STAG1: variants seen among roughly 807,000 people sequenced by gnomAD.
The protein encoded by STAG1 is cohesin subunit SA-1.
Under a neutral mutation model 170.9 loss-of-function variants are expected in STAG1, and 26 were observed. The observed-to-expected ratio is 0.15, with a 90% CI of 0.11 to 0.21. The LOEUF (loss-of-function observed/expected upper bound fraction) is 0.21. Among genes scored for constraint, STAG1 ranks in the 10% least tolerant of loss-of-function variants. The probability of loss-of-function intolerance (pLI) is 1.00; values close to 1 mark genes in which losing one functional copy is unlikely to be tolerated. For missense variants in STAG1, 964 were observed against 1,509.5 expected (o/e 0.64, Z 5.99); for synonymous variants, 514 against 497.7 (o/e 1.03, Z -0.44).
At chr3:136,526,424 C>T (rs920081626) in intron 6 of STAG1, among the ~76,000 whole-genome samples, 2 of 151,980 alleles carry the variant, frequency 1.3e-5, no homozygotes, top group African/African-American at 4.8e-5. Context: ...CAACCCCTGC[C>T]TTTTTTTGTT....
At chr3:136,399,948 G>A (rs1224688338) in intron 21 of STAG1, among the ~76,000 whole-genome samples, 1 of 151,436 alleles carries the variant, frequency 6.6e-6, no homozygotes, top group African/African-American at 2.4e-5. Flanking sequence ...TTTGAGACAG[G>A]GTCTCACTTT....
At chr3:136,631,123 T>C (rs1008465234) in intron 1 of STAG1, 142 bp from the exon 2 acceptor site, 6 of 458,636 alleles carry the variant, frequency 1.3e-5, no homozygotes, top group Non-Finnish European at 2.3e-5. Context: ...CCACAGATGT[T>C]TATAGCAGTT....
In STAG1 at chr3:136,377,640, T is replaced by G; in HGVS notation, c.2370+20A>C. 3 of 1,587,106 alleles carry G rather than the reference T, an allele frequency of 1.9e-6. No homozygotes were observed. Among genetic ancestry groups the G allele is most frequent in the Non-Finnish European group, 2.6e-6 (3 of 1,156,588 alleles). ...TATTTGAGTTGATTTTATTGAGAGC[T>G]CTTACTGATAATTTCTTACCTGTTC... On this transcript the variant is annotated intron_variant, in intron 23 of 33. Transcript: ENST00000383202.
At chr3:136,655,209 C>A (rs375908941) in intron 1 of STAG1, among the ~76,000 whole-genome samples, 2 of 152,144 alleles carry the variant, frequency 1.3e-5, no homozygotes, top group South Asian at 4.1e-4. Context: ...ACCCACAGAA[C>A]AGGAGAAAAC....
At chr3:136,738,107 A>T (rs1410935968) in intron 1 of STAG1, among the ~76,000 whole-genome samples, 1 of 152,140 alleles carries the variant, frequency 6.6e-6, no homozygotes, top group African/African-American at 2.4e-5. Flanking sequence ...ATACTAAAAA[A>T]TGCTCAATTC....
chr3:136,355,733 T>C (rs1190837114), intron 28 of STAG1, among the ~76,000 whole-genome samples: 1 of 152,012 alleles, frequency 6.6e-6, no homozygotes, highest in African/African-American at 2.4e-5. Context: ...CAATGCATGA[T>C]CTCTGACCAC....
At chr3:136,463,655 A>C (rs577422674) in intron 13 of STAG1, among the ~76,000 whole-genome samples, 28 of 149,960 alleles carry the variant, frequency 1.9e-4, no homozygotes, top group Admixed American at 6.7e-4. Flanking sequence ...AGGTGGGAGG[A>C]TCACTTCAGG....
chr3:136,384,434 A>G (rs1938148912), intron 22 of STAG1, among the ~76,000 whole-genome samples: 1 of 150,026 alleles, frequency 6.7e-6, no homozygotes, highest in Admixed American at 6.7e-5. Context: ...TCGGCAACAG[A>G]GCAAGACTCC....
rs549818705 is a variant in STAG1, at chr3:136,357,913, T to C, written c.2937-65A>G. ...TGTAATTCTCTCAATTAGCTAACAT[T>C]ACACAAATATTTGTGAAGGTAGTAA... On this transcript the variant is annotated intron_variant, in intron 27 of 33. Coordinates refer to ENST00000383202, the MANE Select transcript of STAG1 (RefSeq NM_005862.3). 8.9e-6 allele frequency: 12 copies of C among 1,347,638 alleles called. No homozygotes were observed. The African/African-American group carries it at 1.8e-4, about 20-fold the overall frequency. The allele number at this position is 1,347,638 out of a possible 1,614,324, so 83.5% of individuals were successfully genotyped here.
intron 1 of STAG1, among the ~76,000 whole-genome samples, chr3:136,657,291 C>T (rs978588356): frequency 2.0e-5 from 3 of 150,022 alleles, no homozygotes; most frequent in Admixed American, 6.7e-5. Flanking sequence ...CCTCACCTCC[C>T]GGGTTCAAGC....
In STAG1 at chr3:136,398,841, G is replaced by GA. The variant is rs767490463; in HGVS notation, c.2197-13dup. 36 of 1,525,186 alleles carry GA rather than the reference G, an allele frequency of 2.4e-5. No individual in the cohort carries two copies. Among genetic ancestry groups the GA allele is most frequent in the East Asian group, 2.2e-4 (9 of 41,014 alleles). 94.5% of individuals were successfully genotyped at this position (1,525,186 alleles called of 1,614,324 possible). ...GCTTGCACGACTATCTGTATCAAAT[G>GA]AAAAAAAATTTTTTTAATGAAAAAT... On this transcript the variant is annotated splice_polypyrimidine_tract_variant and intron_variant, in intron 21 of 33. Coordinates refer to ENST00000383202, the MANE Select transcript of STAG1 (RefSeq NM_005862.3).
intron 3 of STAG1, among the ~76,000 whole-genome samples, chr3:136,606,750 C>CTTTT (rs529115947): frequency 7.9e-6 from 1 of 126,954 alleles, no homozygotes; most frequent in Non-Finnish European, 1.7e-5. Flanking sequence ...AGGTAACATG[C>CTTTT]TTTTTTTTTT....
At chr3:136,705,423 AC>A (rs529872656) in intron 1 of STAG1, among the ~76,000 whole-genome samples, 2 of 135,472 alleles carry the variant, frequency 1.5e-5, no homozygotes, top group Admixed American at 7.4e-5. Context: ...ACACACACAC[AC>A]AACGAAGTTC....
chr3:136,373,916 G>C (rs902393804), intron 23 of STAG1, among the ~76,000 whole-genome samples: 2 of 152,002 alleles, frequency 1.3e-5, no homozygotes, highest in Non-Finnish European at 2.9e-5. Context: ...TTTCTGTCTT[G>C]ATCTGTCTAA....
intron 1 of STAG1, among the ~76,000 whole-genome samples, chr3:136,685,632 A>G (rs1484580011): frequency 1.3e-5 from 2 of 152,210 alleles, no homozygotes; most frequent in African/African-American, 4.8e-5. Flanking sequence ...AAGTCTTGAA[A>G]AGACATGGAA....
chr3:136,574,258 G>A (rs1035716422), intron 4 of STAG1, among the ~76,000 whole-genome samples: 9 of 150,632 alleles, frequency 6.0e-5, no homozygotes, highest in African/African-American at 9.8e-5. Flanking sequence ...AAAAAAACCC[G>A]ACCACATAAT....
Position 136,518,125 on chromosome 3 carries a change from T to C in STAG1, c.676+3088A>G, listed in dbSNP as rs6775466. 3.5e-3 allele frequency: 1,281 copies of C among 367,118 alleles called. 17 individuals are homozygous for C. The highest frequency in any genetic ancestry group is 0.023 in the African/African-American group (1,125 of 47,956). The allele number at this position is 367,118 out of a possible 1,614,324, so 22.7% of individuals were successfully genotyped here. A position where few individuals can be genotyped will look rare whatever the true frequency, so the allele number is the denominator to read the frequency against. Reference sequence around the variant, plus strand: ...TAAACACTGACAACAGGGACACATATTGAATTCATAACAGGAAAATGGGAT... The same window carrying C: ...TAAACACTGACAACAGGGACACATACTGAATTCATAACAGGAAAATGGGAT... On this transcript the variant is annotated intron_variant, in intron 7 of 33. Coordinates refer to ENST00000383202, the MANE Select transcript of STAG1 (RefSeq NM_005862.3).
Position 136,430,944 on chromosome 3 carries a change from CCCA to C in STAG1, c.1650+2609_1650+2611del, listed in dbSNP as rs2088285822. On this transcript the variant is annotated intron_variant, in intron 16 of 33. Transcript: ENST00000383202. ...TTGGAGACAGAGTCTTACTCTGTCA[CCCA>C]GGCTAGAGTGCAGTGGGGTGATCTC... Among the ~76,000 whole-genome samples, 4 of 151,702 alleles carry C rather than the reference CCCA, an allele frequency of 2.6e-5. No homozygotes were observed. The South Asian group carries it at 8.3e-4, about 32-fold the overall frequency.
chr3:136,641,903 G>T (rs955343637), intron 1 of STAG1, among the ~76,000 whole-genome samples: 4 of 152,124 alleles, frequency 2.6e-5, no homozygotes, highest in Non-Finnish European at 4.4e-5. Context: ...ATTAAAGTAT[G>T]ACATTATTTC....
Sources: allele counts gnomAD v4.1 joint callset (sites outside exome capture counted in the v4.1 genomes callset), GRCh38; gene constraint gnomAD v4.1.1; transcripts MANE v1.5; gene names NCBI Gene and HGNC (gene_info 2026-07-23, HGNC 2026-07-21).